The following CDK5RAP1 variants were observed in gnomAD, a reference collection of about 807,000 sequenced individuals.
CDK5RAP1 encodes CDK5RAP1 mitochondrial tRNA methylthiotransferase.
Under a neutral mutation model 64.5 loss-of-function variants are expected in CDK5RAP1, and 62 were observed. The observed-to-expected ratio is 0.96, with a 90% CI of 0.78 to 1.19. The LOEUF (loss-of-function observed/expected upper bound fraction) is 1.19, where lower values mean the gene tolerates loss of function less well. Ranked by LOEUF, CDK5RAP1 falls within the 50% of genes most tolerant of loss-of-function variation. The pLI, the probability that CDK5RAP1 is intolerant of heterozygous loss-of-function variation, is 0.00. For missense variants in CDK5RAP1, 657 were observed against 735.0 expected, an observed-to-expected ratio of 0.89 and a Z score of 1.23; for synonymous variants, 250 against 261.9, an observed-to-expected ratio of 0.95 and a Z score of 0.44.
rs144024161 is a variant in CDK5RAP1, at chr20:33,385,677, T to C, written c.849A>G (p.Leu283=). ...GCTCAGAAAGCTTCTTCACTTCCTC[T>C]AGAATGGAGGCAATAGGCCGACTCC... The part of the protein sequence containing the change: ...RERSRPIASI[L]EEVKKLSEQG... The change falls in exon 7 of 14, where the codon CTA becomes CTG. Residue 283 remains leucine, a synonymous_variant. Coordinates refer to ENST00000346416, the MANE Select transcript of CDK5RAP1 (RefSeq NM_016408.4). 3.1e-6 allele frequency: 5 copies of C among 1,614,044 alleles called. No individual in the cohort carries two copies. The highest frequency in any genetic ancestry group is 1.1e-5 in the South Asian group (1 of 91,088).
chr20:33,392,810 C>CT (rs922142894), intron 4 of CDK5RAP1, among the ~76,000 whole-genome samples: 81 of 146,522 alleles, frequency 5.5e-4, no homozygotes, highest in South Asian at 1.9e-3. Context: ...TGCCCTTCAA[C>CT]TTTTTTTTTT....
intron 5 of CDK5RAP1, among the ~76,000 whole-genome samples, chr20:33,388,556 C>T (rs112226236): frequency 1.8e-5 from 2 of 109,926 alleles, no homozygotes; most frequent in South Asian, 8.2e-4. Flanking sequence ...CCCCCTCTCC[C>T]TCTCCCTCTC....
intron 7 of CDK5RAP1, among the ~76,000 whole-genome samples, chr20:33,380,290 C>T (rs1024780203): frequency 1.3e-5 from 2 of 152,178 alleles, no homozygotes; most frequent in Non-Finnish European, 2.9e-5. Flanking sequence ...TGCAGCAGCA[C>T]GATCATAGCT....
At chr20:33,373,220 G>C (rs887542391) in intron 9 of CDK5RAP1, 2 of 123,280 alleles carry the variant, frequency 1.6e-5, no homozygotes, top group Non-Finnish European at 3.5e-5. Context: ...CCAGGTGTGT[G>C]CATGTGTGTG....
At chr20:33,377,054 G>C (rs906565726) in intron 8 of CDK5RAP1, among the ~76,000 whole-genome samples, 2 of 152,166 alleles carry the variant, frequency 1.3e-5, no homozygotes, top group Non-Finnish European at 2.9e-5. Context: ...AAGAGAGTCT[G>C]GCTGGGCACA....
At chr20:33,397,338 A>G (rs556191151) in intron 1 of CDK5RAP1, among the ~76,000 whole-genome samples, 1 of 152,212 alleles carries the variant, frequency 6.6e-6, no homozygotes, top group African/African-American at 2.4e-5. Flanking sequence ...GATGAGATGG[A>G]AAGCCCTGAC....
intron 5 of CDK5RAP1, among the ~76,000 whole-genome samples, chr20:33,389,768 G>C (rs752187838): frequency 2.6e-5 from 4 of 152,202 alleles, no homozygotes; most frequent in African/African-American, 9.7e-5. Context: ...ATAGAAAAGG[G>C]GGAAATGTGG....
intron 4 of CDK5RAP1, among the ~76,000 whole-genome samples, chr20:33,393,526 A>G (rs1293788715): frequency 3.3e-5 from 5 of 152,246 alleles, no homozygotes; most frequent in Admixed American, 3.3e-4. Flanking sequence ...CAAAAATGTC[A>G]GATGAATTAA....
At chr20:33,394,882 G>A in intron 3 of CDK5RAP1, 131 bp downstream of exon 3, 1 of 674,058 alleles carries the variant, frequency 1.5e-6, no homozygotes, top group South Asian at 1.6e-5. Flanking sequence ...CAGTCCCATG[G>A]TGAACACTTC....
intron 2 of CDK5RAP1, among the ~76,000 whole-genome samples, 186 bp downstream of exon 2, chr20:33,396,575 C>T (rs1032129919): frequency 2.0e-5 from 3 of 152,140 alleles, no homozygotes; most frequent in African/African-American, 2.4e-5. Flanking sequence ...GCTGGGATTA[C>T]AGGCATGAGC....
At chr20:33,370,246 T>C (rs980722196) in intron 11 of CDK5RAP1, among the ~76,000 whole-genome samples, 1 of 152,186 alleles carries the variant, frequency 6.6e-6, no homozygotes, top group African/African-American at 2.4e-5. Flanking sequence ...CATATTCAAA[T>C]TGCAAACAAT....
At chr20:33,379,378 C>A in intron 8 of CDK5RAP1, 83 bp downstream of exon 8, 1 of 918,382 alleles carries the variant, frequency 1.1e-6, no homozygotes, top group Non-Finnish European at 1.7e-6. Context: ...GACTCCAGGT[C>A]TCTGCTGCAT....
At chr20:33,375,059 T>C (rs1193623111) in intron 8 of CDK5RAP1, among the ~76,000 whole-genome samples, 1 of 150,778 alleles carries the variant, frequency 6.6e-6, no homozygotes, top group Non-Finnish European at 1.5e-5. Flanking sequence ...AAAAAACTGA[T>C]ACTAGGGGAA....
intron 7 of CDK5RAP1, among the ~76,000 whole-genome samples, chr20:33,380,933 G>A (rs1986678847): frequency 6.6e-6 from 1 of 152,188 alleles, no homozygotes; most frequent in African/African-American, 2.4e-5. Flanking sequence ...CCAGGAGGCA[G>A]AGGCTGCAGT....
At chr20:33,386,589 G>A (rs158676) in intron 6 of CDK5RAP1, among the ~76,000 whole-genome samples, 103,683 of 151,892 alleles carry the variant, frequency 0.68, 35,547 homozygotes, top group Admixed American at 0.74. Flanking sequence ...AAGTTAAATC[G>A]CTCTCTTTAA....
At position 33,386,283 on chromosome 20, in the gene CDK5RAP1, C is replaced by T. The variant is rs547592343; in HGVS notation, c.756-513G>A. ...TTCTCCATGTTGGCCACGATGGTCTCGATCTTTTGACTTCATGATCCACCC... is the reference window on the plus strand; with the variant it reads ...TTCTCCATGTTGGCCACGATGGTCTTGATCTTTTGACTTCATGATCCACCC... On this transcript the variant is annotated intron_variant, in intron 6 of 13. Coordinates refer to ENST00000346416, the MANE Select transcript of CDK5RAP1 (RefSeq NM_016408.4). Among the ~76,000 whole-genome samples, 260 of 152,204 alleles carry T rather than the reference C, an allele frequency of 1.7e-3. 1 individual carries two copies. Among genetic ancestry groups the T allele is most frequent in the African/African-American group, 5.9e-3 (245 of 41,540 alleles).
At chr20:33,373,058 T>C (rs1406007715) in intron 9 of CDK5RAP1, 1 of 204,826 alleles carries the variant, frequency 4.9e-6, no homozygotes, top group African/African-American at 2.4e-5. Context: ...ACCACAGATG[T>C]GCGCCACCAC....
In CDK5RAP1 at chr20:33,370,497, A is replaced by AC. The variant is rs1288823500; in HGVS notation, c.1392+1dup. ...TCAGTCCTCCCCAACCCCAGGGCTC[A>AC]CCTGTCTCATGCTGTAGGCAAAGAG... On this transcript the variant is annotated splice_donor_variant, in intron 11 of 13. Coordinates refer to ENST00000346416, the MANE Select transcript of CDK5RAP1 (RefSeq NM_016408.4). LOFTEE classifies it high-confidence loss of function. 6.2e-7 allele frequency: 1 copy of AC among 1,614,100 alleles called. No homozygotes were observed. Among genetic ancestry groups the AC allele is most frequent in the Non-Finnish European group, 8.5e-7 (1 of 1,179,988 alleles).
At chr20:33,372,050 A>G (rs1039662602) in intron 10 of CDK5RAP1, among the ~76,000 whole-genome samples, 1 of 152,202 alleles carries the variant, frequency 6.6e-6, no homozygotes, top group Non-Finnish European at 1.5e-5. Context: ...TCTCTGAAGC[A>G]TATCTGAAAA....
Sources: allele counts gnomAD v4.1 joint callset (sites outside exome capture counted in the v4.1 genomes callset), GRCh38; gene constraint gnomAD v4.1.1; transcripts MANE v1.5; gene names NCBI Gene and HGNC (gene_info 2026-07-23, HGNC 2026-07-21).